DPH6: variants seen among roughly 807,000 people sequenced by gnomAD.
The protein encoded by DPH6 is diphthine--ammonia ligase.
Under a neutral mutation model 38.2 loss-of-function variants are expected in DPH6, and 33 were observed. The observed-to-expected ratio is 0.86, with a 90% CI of 0.65 to 1.15. DPH6 has a LOEUF of 1.15. DPH6 is among the 50% of genes most tolerant of loss of function. DPH6 has a pLI of 0.00. For synonymous variants in DPH6, 108 were observed against 103.0 expected, an observed-to-expected ratio of 1.05 and a Z score of -0.30; for missense variants, 325 against 320.0, an observed-to-expected ratio of 1.02 and a Z score of -0.12.
chr15:35,510,033 T>C (rs116257459), intron 3 of DPH6, among the ~76,000 whole-genome samples: 1 of 152,086 alleles, frequency 6.6e-6, no homozygotes, highest in African/African-American at 2.4e-5. Context: ...CTGAGCAACA[T>C]AGCACGACCC....
At chr15:35,545,188 GTATC>G (rs1225883594) in intron 1 of DPH6, among the ~76,000 whole-genome samples, 1 of 152,184 alleles carries the variant, frequency 6.6e-6, no homozygotes, top group Non-Finnish European at 1.5e-5. Flanking sequence ...TCGTTGCACT[GTATC>G]TAAGACACTC....
chr15:35,383,846 G>A (rs2052904718), intron 6 of DPH6, among the ~76,000 whole-genome samples: 1 of 152,176 alleles, frequency 6.6e-6, no homozygotes, highest in African/African-American at 2.4e-5. Context: ...TGTCTTGAGA[G>A]AACCTCCTCA....
chr15:35,485,719 T>G (rs990464397), intron 3 of DPH6, among the ~76,000 whole-genome samples: 4 of 152,236 alleles, frequency 2.6e-5, no homozygotes, highest in African/African-American at 9.6e-5. Context: ...TGAGTTTATA[T>G]TCTCACATAC....
intron 5 of DPH6, among the ~76,000 whole-genome samples, chr15:35,431,919 C>T (rs926533842): frequency 7.2e-5 from 11 of 152,090 alleles, no homozygotes; most frequent in Non-Finnish European, 1.5e-4. Flanking sequence ...TCTGGAGTAG[C>T]GGGGACTACA....
At chr15:35,207,646 T>G in the DPH6 span, among the ~76,000 whole-genome samples, 1 of 152,214 alleles carries the variant, frequency 6.6e-6, no homozygotes, top group Non-Finnish European at 1.5e-5. Flanking sequence ...ATAATTTAAC[T>G]TCTAATAGCA....
intron 3 of DPH6, among the ~76,000 whole-genome samples, chr15:35,462,073 T>C (rs973957575): frequency 3.3e-5 from 5 of 152,198 alleles, no homozygotes; most frequent in African/African-American, 9.7e-5. Flanking sequence ...ATGATTTCTC[T>C]TTTCTTTATG....
chr15:35,454,721 A>C (rs771238827), intron 4 of DPH6, 26 bp downstream of exon 4: 25 of 1,572,698 alleles, frequency 1.6e-5, no homozygotes, highest in Non-Finnish European at 2.2e-5. Flanking sequence ...TACACTTTTA[A>C]AACTAACAAA....
intron 3 of DPH6, among the ~76,000 whole-genome samples, chr15:35,293,253 C>T (rs2051991485): frequency 1.3e-5 from 2 of 152,084 alleles, no homozygotes; most frequent in African/African-American, 2.4e-5. Context: ...GAATAGAGCA[C>T]AAATAAAATT....
At chr15:35,331,972 G>A (rs573971811) in intron 3 of DPH6, among the ~76,000 whole-genome samples, 10 of 152,262 alleles carry the variant, frequency 6.6e-5, no homozygotes, top group Admixed American at 6.5e-4. Flanking sequence ...TTGTCATTCT[G>A]TCCAAAACTG....
chr15:35,357,154 T>C (rs1454947697), intron 3 of DPH6, among the ~76,000 whole-genome samples: 1 of 152,250 alleles, frequency 6.6e-6, no homozygotes, highest in Non-Finnish European at 1.5e-5. Flanking sequence ...AGCGTGGGAA[T>C]GACCCAATTT....
At chr15:35,154,789 CCT>C in the DPH6 span, among the ~76,000 whole-genome samples, 1 of 152,098 alleles carries the variant, frequency 6.6e-6, no homozygotes, top group African/African-American at 2.4e-5. Context: ...CACTATCAAA[CCT>C]CTGAGGCCCT....
At chr15:35,374,665 A>C (rs1403453726) in intron 7 of DPH6, among the ~76,000 whole-genome samples, 2 of 152,146 alleles carry the variant, frequency 1.3e-5, no homozygotes, top group African/African-American at 4.8e-5. Context: ...CTTAGAAAAA[A>C]TAACATTAAA....
chr15:35,237,998 C>T (rs991962357), intron 3 of DPH6: 46 of 1,492,372 alleles, frequency 3.1e-5, no homozygotes, highest in African/African-American at 2.8e-4. Context: ...AGAAGAGCTC[C>T]GTGAAGAAGA....
At chr15:35,378,192 A>G (rs1334048684) in intron 7 of DPH6, among the ~76,000 whole-genome samples, 1 of 152,272 alleles carries the variant, frequency 6.6e-6, no homozygotes, top group Non-Finnish European at 1.5e-5. Context: ...TTCTCAAAAG[A>G]AGACATTTAT....
At chr15:35,236,500 G>C (rs542171989) in intron 3 of DPH6, among the ~76,000 whole-genome samples, 1 of 152,190 alleles carries the variant, frequency 6.6e-6, no homozygotes, top group African/African-American at 2.4e-5. Flanking sequence ...TTAGCCGGGC[G>C]TGTTGGCGGG....
chr15:35,289,739 A>C (rs2140444493), intron 3 of DPH6, among the ~76,000 whole-genome samples: 1 of 152,326 alleles, frequency 6.6e-6, no homozygotes, highest in East Asian at 1.9e-4. Context: ...AATGTATCTA[A>C]ACTGTTTTGT....
the DPH6 span, among the ~76,000 whole-genome samples, chr15:35,172,768 T>C: frequency 6.6e-6 from 1 of 152,142 alleles, no homozygotes; most frequent in African/African-American, 2.4e-5. Flanking sequence ...CATAGTGCAC[T>C]GTAGTCTTGA....
At chr15:35,247,975 G>A (rs1258296276) in intron 3 of DPH6, among the ~76,000 whole-genome samples, 2 of 152,192 alleles carry the variant, frequency 1.3e-5, no homozygotes, top group Non-Finnish European at 2.9e-5. Context: ...AGGGGGAAAT[G>A]TGTGGATAAC....
At chr15:35,287,297 T>C (rs1251712472) in intron 3 of DPH6, among the ~76,000 whole-genome samples, 4 of 152,134 alleles carry the variant, frequency 2.6e-5, no homozygotes, top group Non-Finnish European at 4.4e-5. Flanking sequence ...GTTTTGAAGA[T>C]TACAGACAGG....
Sources: gnomAD v4.1 joint callset for allele counts (sites outside exome capture counted in the v4.1 genomes callset) on GRCh38, gnomAD v4.1.1 for gene constraint, MANE v1.5 for transcripts, NCBI Gene and HGNC (gene_info 2026-07-23, HGNC 2026-07-21) for gene names.